The following PCDHA3 variants were observed in gnomAD, a reference collection of about 807,000 sequenced individuals.
PCDHA3 encodes the protein protocadherin alpha-3.
Under a neutral mutation model 62.2 loss-of-function variants are expected in PCDHA3, and 41 were observed. The ratio of observed to expected loss-of-function variants is 0.66; its 90% CI spans 0.51 to 0.86. The LOEUF (loss-of-function observed/expected upper bound fraction) is 0.86, where lower values mean the gene tolerates loss of function less well. PCDHA3 is among the 40% of genes least tolerant of loss of function. The pLI is 0.00. For missense variants in PCDHA3, 1,304 were observed against 1,241.2 expected (o/e 1.05, Z -0.76); for synonymous variants, 640 against 555.4 (o/e 1.15, Z -2.14).
intron 1 of PCDHA3, chr5:140,969,516 A>G: frequency 1.4e-6 from 2 of 1,410,726 alleles, no homozygotes; most frequent in Non-Finnish European, 1.9e-6. Flanking sequence ...GCACTAAAGA[A>G]TTGTTTTATT....
chr5:140,928,900 G>A lies in PCDHA3; in HGVS notation c.2395-50049G>A, dbSNP rs782597882. On this transcript the variant is annotated intron_variant, in intron 1 of 3. Coordinates refer to ENST00000522353, the MANE Select transcript of PCDHA3 (RefSeq NM_018906.3). ...TCAGTTACTTCCAGACTTTGAAGATGTCTGGGAACCAGGAGGGCAGCTTTC... is the reference window on the plus strand; with the variant it reads ...TCAGTTACTTCCAGACTTTGAAGATATCTGGGAACCAGGAGGGCAGCTTTC... The A allele has an allele frequency of 3.1e-6, 5 of 1,614,212 alleles. No homozygotes were observed. The South Asian group carries it at 5.5e-5, about 18-fold the overall frequency.
At chr5:140,903,302 T>C (rs1299735621) in intron 1 of PCDHA3, among the ~76,000 whole-genome samples, 2 of 152,136 alleles carry the variant, frequency 1.3e-5, no homozygotes, top group Admixed American at 6.5e-5. Flanking sequence ...AAATTTAGTA[T>C]ACAATAAAGA....
chr5:140,928,989 A>C (rs1554206541), intron 1 of PCDHA3: 2 of 1,613,706 alleles, frequency 1.2e-6, no homozygotes, highest in Non-Finnish European at 1.7e-6. Flanking sequence ...TGGGGTGCTT[A>C]CTTTTCTTCG....
chr5:140,883,937 G>C, intron 1 of PCDHA3: 3 of 1,613,414 alleles, frequency 1.9e-6, no homozygotes, highest in Non-Finnish European at 2.5e-6. Context: ...GTTCGTGCTG[G>C]ACGAGAACGA....
chr5:140,871,433 T>C (rs2053076165), intron 1 of PCDHA3: 3 of 1,612,290 alleles, frequency 1.9e-6, no homozygotes, highest in Non-Finnish European at 2.5e-6. Flanking sequence ...AGTCTTCCTC[T>C]AGGTCTGAAT....
intron 1 of PCDHA3, chr5:140,812,675 A>G (rs1355656965): frequency 6.6e-6 from 1 of 152,180 alleles, no homozygotes; most frequent in Non-Finnish European, 1.5e-5. Flanking sequence ...GTACAGAGGC[A>G]CGATCATAGC....
At chr5:140,841,378 G>A in intron 1 of PCDHA3, 1 of 1,613,450 alleles carries the variant, frequency 6.2e-7, no homozygotes, top group Non-Finnish European at 8.5e-7. Context: ...TCTTGCTTCT[G>A]CTCCTCGCAG....
rs1489202467 is a variant in PCDHA3 at position 140,882,704 on chromosome 5, A to G, written c.2394+79113A>G. ...GAAACGAATAATCATTGCAGAATCTAGACCTCCGGAAACTCGATTTCCACT... is the reference window on the plus strand; with the variant it reads ...GAAACGAATAATCATTGCAGAATCTGGACCTCCGGAAACTCGATTTCCACT... On this transcript the variant is annotated intron_variant, in intron 1 of 3. Coordinates refer to ENST00000522353, the MANE Select transcript of PCDHA3 (RefSeq NM_018906.3). 6 of 1,614,110 alleles carry G rather than the reference A, an allele frequency of 3.7e-6. No individual in the cohort carries two copies. The African/African-American group carries it at 8.0e-5, about 22-fold the overall frequency.
intron 1 of PCDHA3, chr5:140,841,783 A>G (rs1580976899): frequency 6.2e-7 from 1 of 1,613,912 alleles, no homozygotes; most frequent in Non-Finnish European, 8.5e-7. Flanking sequence ...GGTTTCCGCT[A>G]GAGGGCGCGT....
chr5:140,928,930 C>T, intron 1 of PCDHA3: 1 of 1,614,108 alleles, frequency 6.2e-7, no homozygotes, highest in Non-Finnish European at 8.5e-7. Context: ...GCTTTCTGCC[C>T]AGAACTTGTA....
rs78283049 is a variant in PCDHA3 at position 140,938,200 on chromosome 5, C to G, written c.2395-40749C>G. 2.3e-3 allele frequency among the ~76,000 whole-genome samples: 352 copies of G among 152,306 alleles called. 1 individual carries two copies. The highest frequency in any genetic ancestry group is 8.1e-3 in the African/African-American group (335 of 41,568). On this transcript the variant is annotated intron_variant, in intron 1 of 3. Coordinates refer to ENST00000522353, the MANE Select transcript of PCDHA3 (RefSeq NM_018906.3). ...GGCTCAAGCAATCCTCCCACGCCAG[C>G]CTCCCAAAGTGCTGGGATTACAGGC... is the stretch of plus-strand genomic sequence containing the variant.
In PCDHA3 at chr5:141,000,054, A is replaced by G. The variant is rs189634054; in HGVS notation, c.2543-9573A>G. On this transcript the variant is annotated intron_variant, in intron 3 of 3. Coordinates refer to ENST00000522353, the MANE Select transcript of PCDHA3 (RefSeq NM_018906.3). ...CCAATCACACACACACCACTCTCCC[A>G]GCTGCTCTGTAGATCACAATGCTAG... Among the ~76,000 whole-genome samples the G allele has an allele frequency of 4.0e-3, 609 of 152,230 alleles. 3 individuals carry two copies. Among genetic ancestry groups the G allele is most frequent in the African/African-American group, 0.014 (564 of 41,556 alleles).
At chr5:140,997,118 C>A (rs1319289091) in intron 3 of PCDHA3, among the ~76,000 whole-genome samples, 24 of 152,088 alleles carry the variant, frequency 1.6e-4, no homozygotes, top group Non-Finnish European at 3.1e-4. Context: ...TGCTCTCCCA[C>A]ATACACAATG....
At chr5:140,885,434 T>C (rs1554182149) in intron 1 of PCDHA3, among the ~76,000 whole-genome samples, 1 of 152,158 alleles carries the variant, frequency 6.6e-6, no homozygotes, top group African/African-American at 2.4e-5. Context: ...AGTGTAAGTG[T>C]GCAATTATAT....
At chr5:140,867,294 T>C (rs987236296) in intron 1 of PCDHA3, 3 of 152,152 alleles carry the variant, frequency 2.0e-5, no homozygotes, top group African/African-American at 7.2e-5. Flanking sequence ...TCAAATATCA[T>C]GTTGAATATA....
intron 1 of PCDHA3, chr5:140,829,507 C>A: frequency 1.2e-6 from 2 of 1,613,584 alleles, no homozygotes; most frequent in Non-Finnish European, 1.7e-6. Context: ...CGCCGGGCTG[C>A]CACATCTTCA....
At chr5:140,933,592 G>T (rs1034374854) in intron 1 of PCDHA3, among the ~76,000 whole-genome samples, 2 of 151,986 alleles carry the variant, frequency 1.3e-5, no homozygotes, top group Non-Finnish European at 2.9e-5. Context: ...TTTTTAGGTT[G>T]ATTTGTCTTT....
At chr5:140,844,886 G>A (rs1779598763) in intron 1 of PCDHA3, among the ~76,000 whole-genome samples, 1 of 149,368 alleles carries the variant, frequency 6.7e-6, no homozygotes, top group Admixed American at 6.7e-5. Context: ...TAGACTTCGT[G>A]CATATTGCTT....
intron 1 of PCDHA3, among the ~76,000 whole-genome samples, chr5:140,925,685 G>A (rs1584406507): frequency 7.3e-6 from 1 of 137,694 alleles, no homozygotes; most frequent in South Asian, 2.3e-4. Flanking sequence ...ATAAAGCGAG[G>A]GTGGGTATCT....
Sources: allele counts gnomAD v4.1 joint callset (sites outside exome capture counted in the v4.1 genomes callset), GRCh38; gene constraint gnomAD v4.1.1; transcripts MANE v1.5; gene names NCBI Gene and HGNC (gene_info 2026-07-23, HGNC 2026-07-21).